The following KIAA0825 variants were observed in gnomAD, a reference collection of about 807,000 sequenced individuals.
KIAA0825 encodes the protein KIAA0825, also known as uncharacterized protein KIAA0825.
Under a neutral mutation model 147.6 loss-of-function variants are expected in KIAA0825, and 119 were observed. That is an observed-to-expected ratio of 0.81 (90% confidence interval 0.69 to 0.94). The LOEUF (loss-of-function observed/expected upper bound fraction) is 0.94, where lower values mean the gene tolerates loss of function less well. KIAA0825 is among the 40% of genes least tolerant of loss of function. The probability of loss-of-function intolerance (pLI) is 0.00; values close to 1 mark genes in which losing one functional copy is unlikely to be tolerated. For missense variants in KIAA0825, 1,381 were observed against 1,472.7 expected (o/e 0.94, Z 1.02); for synonymous variants, 470 against 518.1 (o/e 0.91, Z 1.26).
At chr5:94,608,464 TTATATATATA>T in intron 1 of KIAA0825, among the ~76,000 whole-genome samples, 1 of 18,338 alleles carries the variant, frequency 5.5e-5, no homozygotes, top group South Asian at 1.6e-3. Flanking sequence ...TATATATATA[TTATATATATA>T]ATATATATAT....
At chr5:94,523,747 A>G (rs1768691182) in intron 4 of KIAA0825, among the ~76,000 whole-genome samples, 183 bp downstream of exon 4, 1 of 151,524 alleles carries the variant, frequency 6.6e-6, no homozygotes, top group Non-Finnish European at 1.5e-5. Context: ...TAAAAATCAT[A>G]GTTAAAAATT....
chr5:94,341,453 G>T (rs961900783), intron 20 of KIAA0825, among the ~76,000 whole-genome samples: 1 of 152,154 alleles, frequency 6.6e-6, no homozygotes, highest in Non-Finnish European at 1.5e-5. Context: ...TTATCATGGA[G>T]TACACCTAGC....
At chr5:94,416,652 G>A (rs998145111) in intron 15 of KIAA0825, 6 of 152,660 alleles carry the variant, frequency 3.9e-5, no homozygotes, top group African/African-American at 1.4e-4. Context: ...TATACAACCT[G>A]CACTGCCTTT....
chr5:94,414,314 T>C (rs1216293634), intron 15 of KIAA0825: 3 of 152,206 alleles, frequency 2.0e-5, no homozygotes, highest in South Asian at 2.1e-4. Context: ...TGTTCTGACA[T>C]TGTCTTAAAA....
At chr5:94,527,120 A>G (rs1370248877) in intron 3 of KIAA0825, among the ~76,000 whole-genome samples, 1 of 152,042 alleles carries the variant, frequency 6.6e-6, no homozygotes, top group Non-Finnish European at 1.5e-5. Context: ...AATAAGAAAT[A>G]TGAATTTATT....
At chr5:94,531,293 A>G (rs915773522) in intron 3 of KIAA0825, among the ~76,000 whole-genome samples, 9 of 152,196 alleles carry the variant, frequency 5.9e-5, no homozygotes, top group Non-Finnish European at 1.2e-4. Flanking sequence ...TGACGGAGAA[A>G]GGAGTAAGTA....
intron 20 of KIAA0825, among the ~76,000 whole-genome samples, chr5:94,265,105 T>C (rs547444049): frequency 1.0e-3 from 155 of 152,172 alleles, no homozygotes; most frequent in African/African-American, 3.5e-3. Flanking sequence ...TTTTATTCTA[T>C]AGGTTCAGCG....
chr5:94,360,903 T>C (rs1217609051), intron 20 of KIAA0825, among the ~76,000 whole-genome samples: 1 of 152,196 alleles, frequency 6.6e-6, no homozygotes, highest in Non-Finnish European at 1.5e-5. Flanking sequence ...AATTCTTTCC[T>C]ATGCAAGATC....
chr5:94,568,952 G>T, intron 2 of KIAA0825: 1 of 165,420 alleles, frequency 6.0e-6, no homozygotes, highest in South Asian at 1.8e-4. Flanking sequence ...CTGTTACCCC[G>T]AGCACTCTCA....
chr5:94,174,894 T>C (rs1583750238), intron 20 of KIAA0825, among the ~76,000 whole-genome samples: 1 of 152,194 alleles, frequency 6.6e-6, no homozygotes, highest in African/African-American at 2.4e-5. Context: ...ATTTATACAC[T>C]GACTCACTCT....
chr5:94,601,942 C>T (rs971681767), intron 1 of KIAA0825, among the ~76,000 whole-genome samples: 3 of 152,116 alleles, frequency 2.0e-5, no homozygotes, highest in Admixed American at 6.5e-5. Flanking sequence ...AGAACTGAGG[C>T]GAATGGAACC....
chr5:94,364,788 A>G (rs1455086575), intron 20 of KIAA0825, among the ~76,000 whole-genome samples: 1 of 152,122 alleles, frequency 6.6e-6, no homozygotes, highest in African/African-American at 2.4e-5. Flanking sequence ...GTCCTCGGTA[A>G]GGTTTTCCTT....
At position 94,153,168 on chromosome 5, in the gene KIAA0825, T is replaced by C. The variant is rs1766727838; in HGVS notation, c.*839A>G. On this transcript the variant is annotated 3_prime_UTR_variant, in exon 21 of 21. Coordinates refer to ENST00000682413, the MANE Select transcript of KIAA0825 (RefSeq NM_001145678.3). Reference sequence around the variant, plus strand: ...CCTTGGCAGAGAGGGTACTAGAGCATGTTCTGTTTTCTTATTTTGTGTGTG... The same window carrying C: ...CCTTGGCAGAGAGGGTACTAGAGCACGTTCTGTTTTCTTATTTTGTGTGTG... The C allele has an allele frequency of 6.6e-6, 1 of 151,658 alleles. No homozygotes were observed. The highest frequency in any genetic ancestry group is 1.5e-5 in the Non-Finnish European group (1 of 67,938). 9.4% of individuals were successfully genotyped at this position (151,658 alleles called of 1,614,324 possible). A position where few individuals can be genotyped will look rare whatever the true frequency, so the allele number is the denominator to read the frequency against.
At chr5:94,332,031 G>A (rs1004118274) in intron 20 of KIAA0825, among the ~76,000 whole-genome samples, 4 of 151,706 alleles carry the variant, frequency 2.6e-5, no homozygotes, top group African/African-American at 9.7e-5. Context: ...GCACAGGGGT[G>A]TGTGCCTATA....
chr5:94,301,407 A>G (rs1181410057), intron 20 of KIAA0825, among the ~76,000 whole-genome samples: 1 of 151,314 alleles, frequency 6.6e-6, no homozygotes, highest in African/African-American at 2.4e-5. Context: ...TATAAAAAAT[A>G]TATACTTGTA....
chr5:94,321,144 T>C (rs1411288288), intron 20 of KIAA0825, among the ~76,000 whole-genome samples: 1 of 152,030 alleles, frequency 6.6e-6, no homozygotes, highest in Non-Finnish European at 1.5e-5. Flanking sequence ...AATGGCCTAC[T>C]ACTATGATCT....
intron 20 of KIAA0825, among the ~76,000 whole-genome samples, chr5:94,307,505 A>T (rs1334897367): frequency 6.6e-6 from 1 of 151,816 alleles, no homozygotes; most frequent in Non-Finnish European, 1.5e-5. Flanking sequence ...ACCTGGTTCC[A>T]ATCTATCTTT....
chr5:94,204,619 C>T (rs1771985609), intron 20 of KIAA0825, among the ~76,000 whole-genome samples: 1 of 152,172 alleles, frequency 6.6e-6, no homozygotes, highest in Admixed American at 6.5e-5. Context: ...GAGCATCTTG[C>T]ATAAGCTGAT....
chr5:94,173,791 C>T (rs570441250), intron 20 of KIAA0825, among the ~76,000 whole-genome samples: 1 of 152,274 alleles, frequency 6.6e-6, no homozygotes, highest in African/African-American at 2.4e-5. Flanking sequence ...CAATCCACCA[C>T]ACTTAGAGAA....
Sources: gnomAD v4.1 joint callset for allele counts (sites outside exome capture counted in the v4.1 genomes callset) on GRCh38, gnomAD v4.1.1 for gene constraint, MANE v1.5 for transcripts, NCBI Gene and HGNC (gene_info 2026-07-23, HGNC 2026-07-21) for gene names.